Variants in PPM1E observed in about 807,000 individuals in gnomAD.
PPM1E encodes protein phosphatase, Mg2+/Mn2+ dependent 1E.
A neutral mutation model predicts 65.9 loss-of-function variants in PPM1E; 20 were observed. The observed-to-expected ratio is 0.30, with a 90% CI of 0.21 to 0.44. The LOEUF is 0.44. Ranked by LOEUF, PPM1E falls within the 20% of genes least tolerant of loss-of-function variation. PPM1E has a pLI of 1.00. For missense variants in PPM1E, 713 were observed against 953.1 expected, an observed-to-expected ratio of 0.75 and a Z score of 3.32; for synonymous variants, 352 against 374.9, an observed-to-expected ratio of 0.94 and a Z score of 0.70.
chr17:58,844,192 TA>T (rs1342934063), intron 1 of PPM1E, among the ~76,000 whole-genome samples: 1 of 152,162 alleles, frequency 6.6e-6, no homozygotes, highest in African/African-American at 2.4e-5. Flanking sequence ...CAAACATGAT[TA>T]ATATTTACAA....
In PPM1E at chr17:58,805,980, A is replaced by T; in HGVS notation, c.464+49519A>T. Among the ~76,000 whole-genome samples, 2 of 107,932 alleles carry T rather than the reference A, an allele frequency of 1.9e-5. 1 individual carries two copies. The highest frequency in any genetic ancestry group is 5.6e-4 in the East Asian group (2 of 3,540). 70.8% of individuals were successfully genotyped at this position (107,932 alleles called of 152,430 possible). ...AAAAAACAAAAAAAAAAAACAAAAAAAAAACAAAACAAAACAAAACAAAAA... is the reference window on the plus strand; with the variant it reads ...AAAAAACAAAAAAAAAAAACAAAAATAAAACAAAACAAAACAAAACAAAAA... On this transcript the variant is annotated intron_variant, in intron 1 of 6. Transcript: ENST00000308249.
intron 1 of PPM1E, among the ~76,000 whole-genome samples, chr17:58,858,980 T>A (rs916016003): frequency 5.3e-5 from 8 of 152,246 alleles, no homozygotes; most frequent in African/African-American, 1.2e-4. Context: ...CCTTAAATAA[T>A]GCGATTCAGA....
intron 1 of PPM1E, among the ~76,000 whole-genome samples, chr17:58,841,249 TA>T (rs1261504103): frequency 6.6e-6 from 1 of 152,172 alleles, no homozygotes; most frequent in Non-Finnish European, 1.5e-5. Context: ...GATGGGAGGT[TA>T]ATTCTCCACT....
intron 1 of PPM1E, among the ~76,000 whole-genome samples, chr17:58,800,786 G>C (rs1045838370): frequency 2.0e-5 from 3 of 151,960 alleles, no homozygotes; most frequent in African/African-American, 7.2e-5. Flanking sequence ...TCCTCACCTG[G>C]GTGATGGTCT....
chr17:58,804,959 ATGCCTTCTATC>A (rs2050291397), intron 1 of PPM1E, among the ~76,000 whole-genome samples: 1 of 152,006 alleles, frequency 6.6e-6, no homozygotes, highest in Non-Finnish European at 1.5e-5. Flanking sequence ...CTACTCTGCT[ATGCCTTCTATC>A]TAACAGTATT....
At chr17:58,821,175 A>G (rs1261393975) in intron 1 of PPM1E, among the ~76,000 whole-genome samples, 2 of 152,034 alleles carry the variant, frequency 1.3e-5, no homozygotes, top group Non-Finnish European at 2.9e-5. Flanking sequence ...CAGTGGTGCA[A>G]TCTTGGCTCA....
chr17:58,863,487 G>A (rs1283550360), intron 1 of PPM1E, among the ~76,000 whole-genome samples: 1 of 152,206 alleles, frequency 6.6e-6, no homozygotes, highest in Non-Finnish European at 1.5e-5. Flanking sequence ...GGGAGTGCCG[G>A]CTACCCCTAG....
At chr17:58,857,396 G>C (rs913893081) in intron 1 of PPM1E, among the ~76,000 whole-genome samples, 3 of 151,896 alleles carry the variant, frequency 2.0e-5, no homozygotes, top group Admixed American at 2.0e-4. Flanking sequence ...GTACTATGTC[G>C]GTAGCAGTTT....
At position 58,801,478 on chromosome 17, in the gene PPM1E, A is replaced by G. The variant is rs375326035; in HGVS notation, c.464+45017A>G. On this transcript the variant is annotated intron_variant, in intron 1 of 6. Coordinates refer to ENST00000308249, the MANE Select transcript of PPM1E (RefSeq NM_014906.5). ...TTTTTTTGAGGTGGAGTCTCTTTCTATTGCCTAGACTGGAATGCAGTGGCA... is the reference window on the plus strand; with the variant it reads ...TTTTTTTGAGGTGGAGTCTCTTTCTGTTGCCTAGACTGGAATGCAGTGGCA... Among the ~76,000 whole-genome samples, 5 of 83,156 alleles carry G rather than the reference A, an allele frequency of 6.0e-5. No individual in the cohort carries two copies. The East Asian group carries it at 1.3e-3, about 21-fold the overall frequency. 54.6% of individuals were successfully genotyped at this position (83,156 alleles called of 152,430 possible).
Position 58,984,539 on chromosome 17 carries a change from CTTTAA to C in PPM1E, c.*3512_*3516del, listed in dbSNP as rs780308044. The C allele has an allele frequency of 6.6e-5, 10 of 152,640 alleles. No homozygotes were observed. The highest frequency in any genetic ancestry group is 6.2e-4 in the South Asian group (3 of 4,832). The allele number at this position is 152,640 out of a possible 1,614,324, so 9.5% of individuals were successfully genotyped here. A position where few individuals can be genotyped will look rare whatever the true frequency, so the allele number is the denominator to read the frequency against. On this transcript the variant is annotated 3_prime_UTR_variant, in exon 7 of 7. Transcript: ENST00000308249. ...AGGGAATACTACAGTTTTGTCCACACTTTAATTTGAGACCATTTTTCTTTGAATCG... is the reference window on the plus strand; with the variant it reads ...AGGGAATACTACAGTTTTGTCCACACTTTGAGACCATTTTTCTTTGAATCG...
At chr17:58,792,450 C>A (rs947569097) in intron 1 of PPM1E, among the ~76,000 whole-genome samples, 3 of 151,754 alleles carry the variant, frequency 2.0e-5, no homozygotes, top group African/African-American at 7.3e-5. Context: ...AAGCCATCCT[C>A]CCACCTCAGC....
chr17:58,875,704 T>G (rs2051119977), intron 1 of PPM1E, among the ~76,000 whole-genome samples: 1 of 152,186 alleles, frequency 6.6e-6, no homozygotes, highest in East Asian at 1.9e-4. Context: ...CAATCACAGT[T>G]GACTGAACAA....
chr17:58,954,380 C>T (rs1429498803), intron 1 of PPM1E, among the ~76,000 whole-genome samples: 1 of 152,168 alleles, frequency 6.6e-6, no homozygotes, highest in Non-Finnish European at 1.5e-5. Flanking sequence ...ATATGTCTGA[C>T]GATGGCACTG....
chr17:58,982,783 T>A lies in PPM1E; in HGVS notation c.*1752T>A. The A allele has an allele frequency of 1.3e-6, 1 of 746,492 alleles. No individual in the cohort carries two copies. The highest frequency in any genetic ancestry group is 2.2e-6 in the Non-Finnish European group (1 of 464,642). The allele number at this position is 746,492 out of a possible 1,614,324, so 46.2% of individuals were successfully genotyped here. ...ACAAATGGTTGAAAAGGAGTCAACA[T>A]GGCCCCAACTATAGTGCCGGAACCT... is the stretch of plus-strand genomic sequence containing the variant. On this transcript the variant is annotated 3_prime_UTR_variant, in exon 7 of 7. Transcript: ENST00000308249.
chr17:58,821,869 C>T (rs1342908376), intron 1 of PPM1E, among the ~76,000 whole-genome samples: 2 of 152,190 alleles, frequency 1.3e-5, no homozygotes, highest in Non-Finnish European at 2.9e-5. Context: ...TCTCCCCCAT[C>T]TTGTCTAAAA....
chr17:58,914,534 G>A (rs1342288196), intron 1 of PPM1E, among the ~76,000 whole-genome samples: 1 of 152,096 alleles, frequency 6.6e-6, no homozygotes, highest in Admixed American at 6.6e-5. Context: ...TGGGCTTCTG[G>A]AAAGAATACC....
At chr17:58,769,783 T>G (rs2049917970) in intron 1 of PPM1E, among the ~76,000 whole-genome samples, 1 of 152,022 alleles carries the variant, frequency 6.6e-6, no homozygotes, top group African/African-American at 2.4e-5. Context: ...TCCCAGCACT[T>G]CGGGAGGCTG....
At chr17:58,919,205 G>T (rs2051720868) in intron 1 of PPM1E, among the ~76,000 whole-genome samples, 1 of 152,208 alleles carries the variant, frequency 6.6e-6, no homozygotes, top group South Asian at 2.1e-4. Flanking sequence ...GTATGTGAGA[G>T]AAGGAAGAAA....
intron 1 of PPM1E, among the ~76,000 whole-genome samples, chr17:58,945,018 A>G (rs868275560): frequency 5.9e-5 from 9 of 151,988 alleles, no homozygotes; most frequent in African/African-American, 1.7e-4. Flanking sequence ...TGTTATAGCT[A>G]TTTTATTATA....
Sources: gnomAD v4.1 joint callset for allele counts (sites outside exome capture counted in the v4.1 genomes callset) on GRCh38, gnomAD v4.1.1 for gene constraint, MANE v1.5 for transcripts, NCBI Gene and HGNC (gene_info 2026-07-23, HGNC 2026-07-21) for gene names.